MARCHF1: variants seen among roughly 807,000 people sequenced by gnomAD.
MARCHF1 encodes membrane associated ring-CH-type finger 1.
In MARCHF1, 40 loss-of-function variants were observed where a neutral mutation model predicts 54.2. That is an observed-to-expected ratio of 0.74 (90% CI 0.57 to 0.96). MARCHF1 has a LOEUF of 0.96. Among genes scored for constraint, MARCHF1 ranks in the 40% least tolerant of loss-of-function variants. MARCHF1 has a pLI of 0.00. For missense variants in MARCHF1, 586 were observed against 656.5 expected (o/e 0.89, Z 1.17); for synonymous variants, 236 against 236.3 (o/e 1.00, Z 0.01).
intron 2 of MARCHF1, among the ~76,000 whole-genome samples, chr4:164,044,610 C>G (rs1754201414): frequency 6.6e-6 from 1 of 152,078 alleles, no homozygotes; most frequent in African/African-American, 2.4e-5. Flanking sequence ...AGAAGTTTGA[C>G]TTTGAGGGAG....
At chr4:163,970,012 T>C (rs1347187278) in intron 3 of MARCHF1, among the ~76,000 whole-genome samples, 1 of 152,120 alleles carries the variant, frequency 6.6e-6, no homozygotes, top group Non-Finnish European at 1.5e-5. Flanking sequence ...GGATGATAAT[T>C]AGGGCAAAGC....
intron 3 of MARCHF1, among the ~76,000 whole-genome samples, chr4:163,859,337 C>T (rs868782943): frequency 6.6e-6 from 1 of 151,614 alleles, no homozygotes; most frequent in African/African-American, 2.4e-5. Context: ...TCATTCTCTC[C>T]TCTATTGAGG....
intron 3 of MARCHF1, among the ~76,000 whole-genome samples, chr4:163,906,468 T>C (rs1316256214): frequency 1.3e-5 from 2 of 150,912 alleles, no homozygotes; most frequent in Non-Finnish European, 2.9e-5. Flanking sequence ...TCAAATATTT[T>C]TTTTTCAAAT....
chr4:163,612,882 T>C lies in MARCHF1; in HGVS notation c.399A>G (p.Glu133=), dbSNP rs1350360024. 6.5e-7 allele frequency: 1 copy of C among 1,535,522 alleles called. No homozygotes were observed. The highest frequency in any genetic ancestry group is 1.2e-5 in the South Asian group (1 of 84,038). ...CATTTTTTCTCCCTCTTATTTGTTC[T>C]TCTGCAGCATGCTCATATCTCTCAG... ...KASERYEHAA[E]EQIRGRKNDF... The change falls in exon 7 of 10, where the codon GAA becomes GAG. Residue 133 remains glutamate (E), a synonymous_variant. Transcript: ENST00000514618.
chr4:163,810,945 G>A lies in MARCHF1; in HGVS notation c.111+43076C>T, dbSNP rs141439048. 9.7e-4 allele frequency among the ~76,000 whole-genome samples: 147 copies of A among 151,894 alleles called. 1 individual carries two copies. The highest frequency in any genetic ancestry group is 3.3e-3 in the African/African-American group (139 of 41,520). ...ATACTTCCGTCAATGCCAGGGAGTG[G>A]CTGGTGGTAAATATTGCTGTTCGTG... On this transcript the variant is annotated intron_variant, in intron 4 of 9. Transcript: ENST00000514618.
At position 164,312,448 on chromosome 4, in the gene MARCHF1, G is replaced by A. The variant is rs1734881400; in HGVS notation, c.-323+71422C>T. Among the ~76,000 whole-genome samples, 3 of 146,694 alleles carry A rather than the reference G, an allele frequency of 2.0e-5. No individual in the cohort carries two copies. The South Asian group carries it at 6.5e-4, about 32-fold the overall frequency. On this transcript the variant is annotated intron_variant, in intron 1 of 9. Transcript: ENST00000514618. ...CGCCATTCTCCTGCCTCAGCCTCCCGAGTAGCTGGGACTACAGGCGCCCGC... is the reference window on the plus strand; with the variant it reads ...CGCCATTCTCCTGCCTCAGCCTCCCAAGTAGCTGGGACTACAGGCGCCCGC...
At chr4:163,764,384 G>A (rs967700493) in intron 4 of MARCHF1, among the ~76,000 whole-genome samples, 1 of 152,000 alleles carries the variant, frequency 6.6e-6, no homozygotes, top group African/African-American at 2.4e-5. Flanking sequence ...ATTTTCAGTG[G>A]CTAAAATGAC....
intron 1 of MARCHF1, among the ~76,000 whole-genome samples, chr4:164,380,725 A>G (rs145938393): frequency 0.01 from 1,580 of 152,290 alleles, 12 homozygotes; most frequent in Middle Eastern, 0.017. Flanking sequence ...TTTCAGCAAC[A>G]CTATAACCGT....
At chr4:163,988,123 A>G (rs897512024) in intron 3 of MARCHF1, among the ~76,000 whole-genome samples, 1 of 152,164 alleles carries the variant, frequency 6.6e-6, no homozygotes, top group Admixed American at 6.5e-5. Flanking sequence ...AGTGAGGAAA[A>G]CCAGCCAGCA....
intron 3 of MARCHF1, among the ~76,000 whole-genome samples, chr4:163,972,936 C>G (rs1752577113): frequency 6.6e-6 from 1 of 152,244 alleles, no homozygotes; most frequent in South Asian, 2.1e-4. Context: ...TAGTTACTAA[C>G]AGTGTAATTG....
At chr4:163,873,861 A>G (rs962387150) in intron 3 of MARCHF1, among the ~76,000 whole-genome samples, 1 of 152,082 alleles carries the variant, frequency 6.6e-6, no homozygotes, top group African/African-American at 2.4e-5. Flanking sequence ...TTATGCGTTT[A>G]CCCTCATGTG....
intron 2 of MARCHF1, among the ~76,000 whole-genome samples, chr4:164,066,174 T>C (rs1338488568): frequency 1.4e-5 from 1 of 71,402 alleles, no homozygotes; most frequent in Non-Finnish European, 3.6e-5. Flanking sequence ...ATAAACAAAC[T>C]TGCAAGAAAA....
At chr4:164,146,895 A>C (rs867719883) in intron 1 of MARCHF1, among the ~76,000 whole-genome samples, 6,769 of 150,056 alleles carry the variant, frequency 0.045, 211 homozygotes, top group Middle Eastern at 0.14. Context: ...CAACCTACAA[A>C]ATGGGAGAAA....
chr4:163,923,021 A>G (rs994429493), intron 3 of MARCHF1, among the ~76,000 whole-genome samples: 3 of 152,194 alleles, frequency 2.0e-5, no homozygotes, highest in Non-Finnish European at 4.4e-5. Flanking sequence ...AAATGAACAA[A>G]TGTCAGGCAT....
chr4:163,928,239 T>C (rs1039440735), intron 3 of MARCHF1, among the ~76,000 whole-genome samples: 1 of 151,922 alleles, frequency 6.6e-6, no homozygotes, highest in African/African-American at 2.4e-5. Context: ...GTATTATCTA[T>C]ATGCCAATTA....
chr4:164,287,146 TTA>T lies in MARCHF1; in HGVS notation c.-323+96722_-323+96723del, dbSNP rs554548140. On this transcript the variant is annotated intron_variant, in intron 1 of 9. Coordinates refer to ENST00000514618, the MANE Select transcript of MARCHF1 (RefSeq NM_001394959.1). ...AACATTTATATATAACTATAGAATT[TTA>T]TGTTTTATATATATATATAATAAAT... Among the ~76,000 whole-genome samples, 340 of 148,722 alleles carry T rather than the reference TTA, an allele frequency of 2.3e-3. 2 individuals carry two copies. The highest frequency in any genetic ancestry group is 7.6e-3 in the African/African-American group (311 of 40,950).
At chr4:163,982,227 CAAGAGAGTAGTTGGA>C (rs1752777709) in intron 3 of MARCHF1, among the ~76,000 whole-genome samples, 3 of 152,184 alleles carry the variant, frequency 2.0e-5, no homozygotes, top group African/African-American at 7.2e-5. Context: ...AATTCAGACT[CAAGAGAGTAGTTGGA>C]AAGTGCTTTT....
chr4:163,878,517 C>T (rs866649186), intron 3 of MARCHF1, among the ~76,000 whole-genome samples: 1 of 152,194 alleles, frequency 6.6e-6, no homozygotes, highest in Non-Finnish European at 1.5e-5. Context: ...CATTCAGTTC[C>T]TTTCCAGATT....
intron 3 of MARCHF1, among the ~76,000 whole-genome samples, chr4:163,958,018 C>T (rs184347072): frequency 3.9e-5 from 6 of 151,944 alleles, no homozygotes; most frequent in Non-Finnish European, 5.9e-5. Context: ...AATAAGAGCC[C>T]GAAAGACTCT....
Sources: allele counts gnomAD v4.1 joint callset (sites outside exome capture counted in the v4.1 genomes callset), GRCh38; gene constraint gnomAD v4.1.1; transcripts MANE v1.5; gene names NCBI Gene and HGNC (gene_info 2026-07-23, HGNC 2026-07-21).